COL4A5: variants seen among roughly 807,000 people sequenced by gnomAD.
The protein encoded by COL4A5 is collagen alpha-5(IV) chain.
COL4A5 carries 26 observed loss-of-function variants against 130.2 expected under a neutral mutation model. The observed-to-expected ratio is 0.20, with a 90% confidence interval of 0.15 to 0.28. COL4A5 has a LOEUF of 0.28. Among genes scored for constraint, COL4A5 ranks in the 10% least tolerant of loss-of-function variants. The pLI is 1.00. For missense variants in COL4A5, 1,131 were observed against 1,344.3 expected (o/e 0.84, Z 2.48); for synonymous variants, 496 against 439.6 (o/e 1.13, Z -1.60).
At chrX:108,678,140 T>C (rs1603314466) in intron 44 of COL4A5, among the ~76,000 whole-genome samples, 1 of 108,174 alleles carries the variant, frequency 9.2e-6, no homozygotes, top group African/African-American at 3.6e-5. Context: ...GTGCTTTCTA[T>C]GTTGGTTTGA....
In COL4A5 at chrX:108,467,951, G is replaced by A. The variant is rs186406101; in HGVS notation, c.81+27745G>A. The stretch of plus-strand genomic sequence containing the variant: ...AGTATCTCTTATCTGAAATGCCTAG[G>A]ACCAAAAGTGTTTCAGATTTTGGAG... On this transcript the variant is annotated intron_variant, in intron 1 of 52. Coordinates refer to ENST00000328300, the MANE Select transcript of COL4A5 (RefSeq NM_033380.3). 6.3e-5 allele frequency among the ~76,000 whole-genome samples: 7 copies of A among 111,431 alleles called. No individual in the cohort carries two copies. The East Asian group carries it at 2.0e-3, about 31-fold the overall frequency.
At chrX:108,638,134 C>T (rs185472440) in intron 36 of COL4A5, among the ~76,000 whole-genome samples, 36 of 111,349 alleles carry the variant, frequency 3.2e-4, no homozygotes, top group African/African-American at 1.0e-3. Flanking sequence ...AAGCTACAGA[C>T]CAAAATCCCT....
At chrX:108,678,930 T>C (rs2068365263) in intron 44 of COL4A5, among the ~76,000 whole-genome samples, 3 of 111,741 alleles carry the variant, frequency 2.7e-5, no homozygotes, top group African/African-American at 9.8e-5. Context: ...ATTTTCTTTT[T>C]TTCATGACCT....
intron 2 of COL4A5, among the ~76,000 whole-genome samples, chrX:108,548,321 T>C (rs1455010444): frequency 8.9e-6 from 1 of 112,027 alleles, no homozygotes; most frequent in African/African-American, 3.2e-5. Context: ...GAAAAAACAA[T>C]TGACCTTATG....
intron 30 of COL4A5, among the ~76,000 whole-genome samples, chrX:108,619,234 C>A (rs2066990805): frequency 9.0e-6 from 1 of 111,588 alleles, no homozygotes; most frequent in Non-Finnish European, 1.9e-5. Flanking sequence ...TGACATAAAA[C>A]AGATCTTAAA....
chrX:108,552,874 T>G (rs2065772925), intron 2 of COL4A5, among the ~76,000 whole-genome samples: 1 of 112,110 alleles, frequency 8.9e-6, no homozygotes, highest in Non-Finnish European at 1.9e-5. Context: ...CAAGACTTAG[T>G]ATAAAACCAC....
chrX:108,681,969 C>A, intron 47 of COL4A5, 81 bp downstream of exon 47: 2 of 918,155 alleles, frequency 2.2e-6, no homozygotes, highest in Non-Finnish European at 3.1e-6. Flanking sequence ...AGGTTTGTTA[C>A]ATAGGTATAC....
chrX:108,622,625 T>C (rs2067078226), intron 32 of COL4A5, 51 bp from the exon 33 acceptor site: 1 of 1,175,067 alleles, frequency 8.5e-7, no homozygotes, highest in Non-Finnish European at 1.2e-6. Context: ...TATGCATTAA[T>C]CTTTGATGGA....
chrX:108,489,259 T>C (rs1000432232), intron 1 of COL4A5, among the ~76,000 whole-genome samples: 9 of 111,981 alleles, frequency 8.0e-5, no homozygotes, highest in African/African-American at 2.6e-4. Context: ...CCCCGGACTC[T>C]TTTGCATCAC....
intron 16 of COL4A5, among the ~76,000 whole-genome samples, chrX:108,582,162 A>G (rs2066260867): frequency 9.0e-6 from 1 of 111,514 alleles, no homozygotes; most frequent in Admixed American, 9.6e-5. Context: ...TAAACAGGCA[A>G]TCCTCAACTT....
At position 108,697,076 on chromosome X, in the gene COL4A5, C is replaced by A. The variant is rs1446020630; in HGVS notation, c.*698C>A. ...TTTTGATTTTTTTTAAAAAACAAAC[C>A]CTTTTAGTCACTTTAATCAGAATTT... On this transcript the variant is annotated 3_prime_UTR_variant, in exon 53 of 53. Coordinates refer to ENST00000328300, the MANE Select transcript of COL4A5 (RefSeq NM_033380.3). 9.0e-6 allele frequency: 1 copy of A among 110,756 alleles called. No homozygotes were observed. The highest frequency in any genetic ancestry group is 3.3e-5 in the African/African-American group (1 of 30,523). 9.1% of individuals were successfully genotyped at this position (110,756 alleles called of 1,213,427 possible). A position where few individuals can be genotyped will look rare whatever the true frequency, so the allele number is the denominator to read the frequency against.
intron 1 of COL4A5, among the ~76,000 whole-genome samples, chrX:108,488,628 TA>T (rs1569476939): frequency 8.9e-6 from 1 of 112,399 alleles, no homozygotes; most frequent in African/African-American, 3.2e-5. Flanking sequence ...ATATGATATG[TA>T]AAAAATACTA....
intron 30 of COL4A5, among the ~76,000 whole-genome samples, chrX:108,615,566 T>C (rs2066912308): frequency 9.0e-6 from 1 of 111,539 alleles, no homozygotes; most frequent in Non-Finnish European, 1.9e-5. Flanking sequence ...TAATATTTTA[T>C]ATTGGATACT....
intron 1 of COL4A5, among the ~76,000 whole-genome samples, chrX:108,450,026 C>T: frequency 9.0e-6 from 1 of 111,704 alleles, no homozygotes; most frequent in Non-Finnish European, 1.9e-5. Context: ...TTGTATTCGT[C>T]ATACTCTCAG....
At chrX:108,446,072 T>C (rs1212339072) in intron 1 of COL4A5, among the ~76,000 whole-genome samples, 3 of 111,691 alleles carry the variant, frequency 2.7e-5, no homozygotes, top group Non-Finnish European at 5.6e-5. Context: ...TTTCAATTGC[T>C]ATGGTAAAGT....
chrX:108,620,350 C>G lies in COL4A5; in HGVS notation c.2601C>G (p.Ile867Met). Reference protein sequence around the residue: ...GPPGERGSPGIPGAPGPIGPP... With the variant: ...GPPGERGSPGMPGAPGPIGPP... Reference sequence around the variant, plus strand: ...CAGGTGAAAGAGGCAGTCCAGGGATCCCCGGAGCACCTGGTCCTATAGGAC... The same window carrying G: ...CAGGTGAAAGAGGCAGTCCAGGGATGCCCGGAGCACCTGGTCCTATAGGAC... Residue 867 changes from isoleucine to methionine, a missense_variant, in exon 31 of 53, where the codon ATC (isoleucine) becomes ATG (methionine). Transcript: ENST00000328300. 2.5e-6 allele frequency: 3 copies of G among 1,207,350 alleles called. No homozygotes were observed. The highest frequency in any genetic ancestry group is 3.4e-6 in the Non-Finnish European group (3 of 892,019).
At chrX:108,459,969 T>A (rs970634847) in intron 1 of COL4A5, among the ~76,000 whole-genome samples, 21 of 112,212 alleles carry the variant, frequency 1.9e-4, no homozygotes, top group South Asian at 1.1e-3. Flanking sequence ...AAATTTTTTT[T>A]AAAAAAATAT....
At chrX:108,590,047 A>G (rs1023587701) in intron 19 of COL4A5, among the ~76,000 whole-genome samples, 6 of 112,086 alleles carry the variant, frequency 5.4e-5, no homozygotes, top group South Asian at 7.3e-4. Flanking sequence ...TAACATCACT[A>G]ATCAGCAAAT....
chrX:108,461,743 G>A lies in COL4A5; in HGVS notation c.81+21537G>A, dbSNP rs745713036. Among the ~76,000 whole-genome samples, 4 of 110,652 alleles carry A rather than the reference G, an allele frequency of 3.6e-5. No homozygotes were observed. The South Asian group carries it at 1.2e-3, about 32-fold the overall frequency. On this transcript the variant is annotated intron_variant, in intron 1 of 52. Transcript: ENST00000328300. Reference sequence around the variant, plus strand: ...CAAGTAGCTGGGATTACAGGCATGCGCCACTACCCCCGGCTAATTTTTTGT... The same window carrying A: ...CAAGTAGCTGGGATTACAGGCATGCACCACTACCCCCGGCTAATTTTTTGT...
Sources: gnomAD v4.1 joint callset for allele counts (sites outside exome capture counted in the v4.1 genomes callset) on GRCh38, gnomAD v4.1.1 for gene constraint, MANE v1.5 for transcripts, NCBI Gene and HGNC (gene_info 2026-07-23, HGNC 2026-07-21) for gene names.